The following L1CAM variants were observed in gnomAD, a reference collection of about 807,000 sequenced individuals.
L1CAM encodes the protein neural cell adhesion molecule L1.
In L1CAM, 8 loss-of-function variants were observed where a neutral mutation model predicts 93.0. The observed-to-expected ratio is 0.09, with a 90% CI of 0.05 to 0.16. L1CAM has a LOEUF of 0.16. Among genes scored for constraint, L1CAM ranks in the 10% least tolerant of loss-of-function variants. The pLI is 1.00. For missense variants in L1CAM, 777 were observed against 1,073.4 expected (o/e 0.72, Z 3.86); for synonymous variants, 453 against 453.0 (o/e 1.00, Z 0.00).
chrX:153,861,877 G>A lies in L1CAM; in HGVS notation c.*786C>T, dbSNP rs1422474974. ...GGCTGAGGAAGACAACTGTTCAGAC[G>A]ATAGGGAGGGCAGGGCTGCTAAGGG... On this transcript the variant is annotated 3_prime_UTR_variant, in exon 29 of 29. Transcript: ENST00000370060. 1.9e-5 allele frequency: 2 copies of A among 105,945 alleles called. No homozygotes were observed. Among genetic ancestry groups the A allele is most frequent in the South Asian group, 4.5e-4 (1 of 2,224 alleles). 8.7% of individuals were successfully genotyped at this position (105,945 alleles called of 1,213,427 possible).
Position 153,867,506 on chromosome X carries a change from A to T in L1CAM, c.1987T>A (p.Tyr663Asn). Residue 663 changes from tyrosine (Y) to asparagine (N), a missense_variant, in exon 17 of 29, where the codon TAC (tyrosine) becomes AAC (asparagine). Transcript: ENST00000370060. The part of the protein sequence containing the change: ...EDKEMAPEKW[Y>N]SLGKVPGNQT... ...TTCCCTGGAACCTTGCCCAGACTGT[A>T]CCATTTTTCAGGCGCCATTTCCTTG... 8.3e-7 allele frequency: 1 copy of T among 1,211,296 alleles called. No individual in the cohort carries two copies. The highest frequency in any genetic ancestry group is 1.1e-6 in the Non-Finnish European group (1 of 894,980).
At position 153,862,654 on chromosome X, in the gene L1CAM, T is replaced by G; in HGVS notation, c.*9A>C. ...GCCAGGGGCACAGCATCTCCTGTCC[T>G]GGACTCCACTATTCTAGGGCCACGG... On this transcript the variant is annotated 3_prime_UTR_variant, in exon 29 of 29. Transcript: ENST00000370060. 1 of 1,191,429 alleles carries G rather than the reference T, an allele frequency of 8.4e-7. No individual in the cohort carries two copies. The highest frequency in any genetic ancestry group is 1.1e-6 in the Non-Finnish European group (1 of 878,254).
intron 2 of L1CAM, chrX:153,875,540 G>T: frequency 4.0e-6 from 2 of 503,485 alleles, no homozygotes; most frequent in Non-Finnish European, 7.1e-6. Context: ...CGGCGGCCGC[G>T]CCTGTCCCTG....
At chrX:153,885,168 C>T (rs892634205) in intron 1 of L1CAM, among the ~76,000 whole-genome samples, 2 of 113,251 alleles carry the variant, frequency 1.8e-5, no homozygotes, top group Non-Finnish European at 3.7e-5. Flanking sequence ...GCTGACCCCT[C>T]CCATAACCGC....
rs12841858 is a variant in L1CAM at position 153,871,268 on chromosome X, T to C, written c.401-89A>G. 1 of 624,345 alleles carries C rather than the reference T, an allele frequency of 1.6e-6. No homozygotes were observed. The highest frequency in any genetic ancestry group is 2.6e-6 in the Non-Finnish European group (1 of 391,594). The allele number at this position is 624,345 out of a possible 1,213,427, so 51.5% of individuals were successfully genotyped here. On this transcript the variant is annotated intron_variant, in intron 5 of 28. Coordinates refer to ENST00000370060, the MANE Select transcript of L1CAM (RefSeq NM_001278116.2). ...AGGTGGGGGCAGGGGGGTGGCGGGC[T>C]ACACCAGGGATGGACGAGGGGGCGA... is the stretch of plus-strand genomic sequence containing the variant.
chrX:153,866,585 G>C (rs782435624), intron 19 of L1CAM, 64 bp downstream of exon 19: 1 of 827,175 alleles, frequency 1.2e-6, no homozygotes, highest in Non-Finnish European at 1.8e-6. Context: ...GAGAGGTGTG[G>C]ACATGGGCTG....
intron 1 of L1CAM, among the ~76,000 whole-genome samples, chrX:153,881,898 C>A (rs1223314333): frequency 9.0e-6 from 1 of 111,563 alleles, no homozygotes; most frequent in African/African-American, 3.3e-5. Flanking sequence ...AGGCCCCAGG[C>A]CTCCTCAGGG....
intron 4 of L1CAM, 80 bp downstream of exon 4, chrX:153,872,512 T>C: frequency 1.0e-6 from 1 of 972,613 alleles, no homozygotes. Context: ...CTTCTGGGCT[T>C]AGAAGTTAGG....
intron 1 of L1CAM, chrX:153,880,773 G>C (rs1236713718): frequency 3.5e-6 from 1 of 286,128 alleles, no homozygotes; most frequent in Non-Finnish European, 7.0e-6. Context: ...GCACATAAAG[G>C]GGGCTGCTCC....
chrX:153,883,471 C>G (rs1343807005), intron 1 of L1CAM, among the ~76,000 whole-genome samples: 1 of 111,378 alleles, frequency 9.0e-6, no homozygotes, highest in African/African-American at 3.3e-5. Context: ...AGGAGGTGTC[C>G]GAGATGGGCC....
At chrX:153,875,155 A>G (rs1386387136) in intron 2 of L1CAM, among the ~76,000 whole-genome samples, 1 of 111,798 alleles carries the variant, frequency 8.9e-6, no homozygotes, top group Non-Finnish European at 1.9e-5. Context: ...TGTTACAACC[A>G]TAGACACATG....
At chrX:153,873,091 G>T (rs1298567950) in intron 3 of L1CAM, 137 bp downstream of exon 3, 2 of 624,619 alleles carry the variant, frequency 3.2e-6, no homozygotes, top group Admixed American at 4.5e-5. Flanking sequence ...CCACACAGGT[G>T]AGAGAAGCAC....
chrX:153,865,768 G>A lies in L1CAM; in HGVS notation c.2483C>T (p.Ala828Val). 1 of 1,211,079 alleles carries A rather than the reference G, an allele frequency of 8.3e-7. No homozygotes were observed. Among genetic ancestry groups the A allele is most frequent in the Non-Finnish European group, 1.1e-6 (1 of 894,715 alleles). The change falls in exon 20 of 29, where the codon GCC becomes GTC. Residue 828 changes from alanine to valine, a missense_variant. This residue lies in a region of L1CAM where 574 missense variants were observed against 781.0 expected (regional missense o/e 0.73). Coordinates refer to ENST00000370060, the MANE Select transcript of L1CAM (RefSeq NM_001278116.2). Reference sequence around the variant, plus strand: ...CACCGGCCGCCACTTGACCAGCACGGCACTTGAGTTGAGGATTTCAATGCC... The same window carrying A: ...CACCGGCCGCCACTTGACCAGCACGACACTTGAGTTGAGGATTTCAATGCC... ...LEGIEILNSS[A>V]VLVKWRPVDL...
chrX:153,872,053 G>C, intron 5 of L1CAM, 99 bp downstream of exon 5: 1 of 715,526 alleles, frequency 1.4e-6, no homozygotes, highest in Non-Finnish European at 2.2e-6. Flanking sequence ...GGACACCCAG[G>C]CCCCTCGCCA....
chrX:153,872,442 G>T, intron 4 of L1CAM, 88 bp from the exon 5 acceptor site: 1 of 998,001 alleles, frequency 1.0e-6, no homozygotes, highest in Non-Finnish European at 1.4e-6. Flanking sequence ...AAGCAGCCAG[G>T]GCCCCCAGGG....
At chrX:153,871,268 T>A in intron 5 of L1CAM, 89 bp from the exon 6 acceptor site, 15 of 624,270 alleles carry the variant, frequency 2.4e-5, no homozygotes, top group Admixed American at 2.7e-5. Flanking sequence ...GGTGGCGGGC[T>A]ACACCAGGGA....
chrX:153,869,499 T>C, intron 11 of L1CAM, 21 bp downstream of exon 11: 1 of 1,208,494 alleles, frequency 8.3e-7, no homozygotes, highest in Non-Finnish European at 1.1e-6. Flanking sequence ...AGTTAGGAGG[T>C]AAGGAAGGGA....
chrX:153,878,369 G>T (rs2064826918), intron 1 of L1CAM, among the ~76,000 whole-genome samples: 1 of 113,288 alleles, frequency 8.8e-6, no homozygotes, highest in African/African-American at 3.2e-5. Flanking sequence ...GAGGGTGGTG[G>T]AGAAGCAGCA....
At chrX:153,875,466 TGGA>T (rs1557094252) in intron 2 of L1CAM, among the ~76,000 whole-genome samples, 1 of 110,674 alleles carries the variant, frequency 9.0e-6, no homozygotes, top group Admixed American at 9.5e-5. Flanking sequence ...AAGGAGAGCA[TGGA>T]GGAGGCCCAA....
Sources: gnomAD v4.1 joint callset for allele counts (sites outside exome capture counted in the v4.1 genomes callset) on GRCh38, gnomAD v4.1.1 for gene constraint, gnomAD v4.1.1 regional missense constraint, MANE v1.5 for transcripts, NCBI Gene and HGNC (gene_info 2026-07-23, HGNC 2026-07-21) for gene names.